Variants in PKP2 observed in about 807,000 individuals in gnomAD.
PKP2 encodes plakophilin 2, also known as plakophilin-2.
PKP2 carries 73 observed loss-of-function variants against 83.4 expected under a neutral mutation model. That is an observed-to-expected ratio of 0.88 (90% CI 0.72 to 1.06). The LOEUF is 1.06. Among genes scored for constraint, PKP2 ranks in the 50% least tolerant of loss-of-function variants. PKP2 has a pLI of 0.00. For synonymous variants in PKP2, 409 were observed against 430.4 expected (o/e 0.95, Z 0.62); for missense variants, 966 against 1,065.4 (o/e 0.91, Z 1.30).
intron 9 of PKP2, among the ~76,000 whole-genome samples, chr12:32,816,723 C>T (rs939043440): frequency 3.9e-5 from 6 of 152,118 alleles, no homozygotes; most frequent in African/African-American, 1.4e-4. Flanking sequence ...TAAGTGTTCC[C>T]TTCTCTCCAA....
At chr12:32,891,975 C>T (rs1957078178) in intron 1 of PKP2, among the ~76,000 whole-genome samples, 1 of 152,108 alleles carries the variant, frequency 6.6e-6, no homozygotes, top group African/African-American at 2.4e-5. Flanking sequence ...CGAACTCAAT[C>T]TGCTTGGCCC....
At chr12:32,865,376 G>GAAA (rs554773045) in intron 4 of PKP2, among the ~76,000 whole-genome samples, 1 of 85,336 alleles carries the variant, frequency 1.2e-5, no homozygotes, top group Non-Finnish European at 2.4e-5. Context: ...CTCCATCTCA[G>GAAA]AAAAAAAAAA....
rs539014911 is a variant in PKP2, at chr12:32,851,113, C to A, written c.1171-140G>T. 15 of 727,332 alleles carry A rather than the reference C, an allele frequency of 2.1e-5. No homozygotes were observed. The East Asian group carries it at 4.0e-4, about 20-fold the overall frequency. 45.1% of individuals were successfully genotyped at this position (727,332 alleles called of 1,614,324 possible). A position where few individuals can be genotyped will look rare whatever the true frequency, so the allele number is the denominator to read the frequency against. ...ACAACTATGTGTAGCACAACTGAGG[C>A]TCTTGTAGAATATACCCCGGCTATA... On this transcript the variant is annotated intron_variant, in intron 4 of 12. Transcript: ENST00000340811.
chr12:32,882,082 C>G (rs1956991850), intron 1 of PKP2, among the ~76,000 whole-genome samples: 1 of 152,126 alleles, frequency 6.6e-6, no homozygotes. Flanking sequence ...ATCCCCACCC[C>G]CAATAAAACA....
intron 6 of PKP2, among the ~76,000 whole-genome samples, chr12:32,833,360 G>A (rs1487642727): frequency 6.6e-6 from 1 of 152,134 alleles, no homozygotes; most frequent in Non-Finnish European, 1.5e-5. Flanking sequence ...AATTATATTT[G>A]GTATGTGGTT....
chr12:32,852,285 G>A (rs193202184), intron 4 of PKP2, among the ~76,000 whole-genome samples: 3 of 152,290 alleles, frequency 2.0e-5, no homozygotes, highest in Admixed American at 2.0e-4. Flanking sequence ...TTTATGCTCA[G>A]CGGAGAGCTG....
rs768376044 is a variant in PKP2 at position 32,896,540 on chromosome 12, G to T, written c.192C>A (p.Leu64=). 1.9e-6 allele frequency: 3 copies of T among 1,574,154 alleles called. No homozygotes were observed. The highest frequency in any genetic ancestry group is 3.4e-5 in the Admixed American group (2 of 58,128). Residue 64 remains leucine (L), a synonymous_variant, in exon 1 of 13, where the codon CTC becomes CTA. Coordinates refer to ENST00000340811, the MANE Select transcript of PKP2 (RefSeq NM_001005242.3). ...LRIQEQVQQT[L]ARKGRSSVGN... is the part of the protein sequence containing the mutation. ...CCACGGAGCTGCGGCCCTTCCGGGC[G>T]AGGGTCTGCTGCACCTGCTCCTGGA... is the stretch of plus-strand genomic sequence containing the variant.
Position 32,865,681 on chromosome 12 carries a change from C to CAAAAAAAAAAAAAAAAAAAAAA in PKP2, c.1170+3245_1170+3246insTTTTTTTTTTTTTTTTTTTTTT, listed in dbSNP as rs765071380. 4.2e-4 allele frequency among the ~76,000 whole-genome samples: 44 copies of CAAAAAAAAAAAAAAAAAAAAAA among 103,596 alleles called. 2 individuals carry two copies. Among genetic ancestry groups the CAAAAAAAAAAAAAAAAAAAAAA allele is most frequent in the African/African-American group, 1.8e-3 (33 of 17,862 alleles). 68.0% of individuals were successfully genotyped at this position (103,596 alleles called of 152,430 possible). ...TGTCTGGAACAGAGTGACTCCGTCT[C>CAAAAAAAAAAAAAAAAAAAAAA]AAAAAAAAAAAGACAAATAGATCAA... is the stretch of plus-strand genomic sequence containing the variant. On this transcript the variant is annotated intron_variant, in intron 4 of 12. Coordinates refer to ENST00000340811, the MANE Select transcript of PKP2 (RefSeq NM_001005242.3).
chr12:32,864,485 A>G (rs1592756728), intron 4 of PKP2, among the ~76,000 whole-genome samples: 1 of 152,052 alleles, frequency 6.6e-6, no homozygotes, highest in East Asian at 1.9e-4. Flanking sequence ...AAGACATGAA[A>G]GACCTCTACA....
intron 2 of PKP2, 148 bp downstream of exon 2, chr12:32,878,772 T>C: frequency 1.5e-6 from 1 of 675,382 alleles, no homozygotes; most frequent in South Asian, 1.7e-5. Flanking sequence ...TTTTCCATGG[T>C]ATCCTCATAA....
At chr12:32,811,254 G>A (rs1956274752) in intron 9 of PKP2, among the ~76,000 whole-genome samples, 1 of 152,208 alleles carries the variant, frequency 6.6e-6, no homozygotes, top group Non-Finnish European at 1.5e-5. Context: ...TATGCCTGAT[G>A]CATTAGCACA....
chr12:32,829,386 C>T (rs1466090485), intron 6 of PKP2, among the ~76,000 whole-genome samples: 1 of 151,322 alleles, frequency 6.6e-6, no homozygotes, highest in Non-Finnish European at 1.5e-5. Context: ...TCCTGAGTAG[C>T]TGGGACTACA....
intron 4 of PKP2, among the ~76,000 whole-genome samples, chr12:32,864,833 C>A (rs778413091): frequency 4.6e-5 from 7 of 152,182 alleles, no homozygotes; most frequent in Non-Finnish European, 8.8e-5. Context: ...TAGTCTTCAT[C>A]TTTGCTGAAG....
Position 32,872,552 on chromosome 12 carries a change from A to AACAAC in PKP2, c.1035-3495_1035-3491dup, listed in dbSNP as rs373125955. 1.9e-3 allele frequency among the ~76,000 whole-genome samples: 286 copies of AACAAC among 152,120 alleles called. 3 individuals are homozygous for AACAAC. The highest frequency in any genetic ancestry group is 6.5e-3 in the African/African-American group (270 of 41,526). On this transcript the variant is annotated intron_variant, in intron 3 of 12. Coordinates refer to ENST00000340811, the MANE Select transcript of PKP2 (RefSeq NM_001005242.3). ...TCTGTCTCAAAAAAAAACAAAACAA[A>AACAAC]ACAACCCAGTAACTTGTGTGCGTGT...
rs371089832 is a variant in PKP2, at chr12:32,821,371, C to A, written c.1998G>T (p.Thr666=). The A allele has an allele frequency of 7.4e-6, 12 of 1,613,948 alleles. No homozygotes were observed. Among genetic ancestry groups the A allele is most frequent in the Admixed American group, 5.0e-5 (3 of 59,986 alleles). The change falls in exon 9 of 13, where the codon ACG becomes ACT. Residue 666 remains threonine (T), a synonymous_variant. Transcript: ENST00000340811. ...CAATACTCACTGGTCCACTTCCGGC[C>A]GTGAGGTTCTGCAGAGCTCCTAAGG... is the stretch of plus-strand genomic sequence containing the variant. The part of the protein sequence containing the change: ...EASLGALQNL[T]AGSGPMPTSV...
At chr12:32,844,869 C>T (rs1173788817) in intron 5 of PKP2, among the ~76,000 whole-genome samples, 1 of 152,126 alleles carries the variant, frequency 6.6e-6, no homozygotes, top group Admixed American at 6.5e-5. Flanking sequence ...AAAAAGATTC[C>T]AGTTTGGGCA....
chr12:32,812,520 T>G (rs1956286258), intron 9 of PKP2, among the ~76,000 whole-genome samples: 2 of 152,208 alleles, frequency 1.3e-5, no homozygotes, highest in South Asian at 4.1e-4. Context: ...TTTTCTTTTT[T>G]GAGACAGAGT....
chr12:32,792,354 G>T lies in PKP2; in HGVS notation c.*70C>A. 1 of 1,104,448 alleles carries T rather than the reference G, an allele frequency of 9.1e-7. No homozygotes were observed. The highest frequency in any genetic ancestry group is 1.4e-6 in the Non-Finnish European group (1 of 715,392). The allele number at this position is 1,104,448 out of a possible 1,614,324, so 68.4% of individuals were successfully genotyped here. ...CAAGGCATGCTTTTGAGGTTTCTTG[G>T]GCTGGGTAGTAGAAAAATAGGTGTT... On this transcript the variant is annotated 3_prime_UTR_variant, in exon 13 of 13. Coordinates refer to ENST00000340811, the MANE Select transcript of PKP2 (RefSeq NM_001005242.3).
intron 5 of PKP2, chr12:32,843,071 C>T (rs1292588917): frequency 2.8e-6 from 1 of 361,026 alleles, no homozygotes; most frequent in Non-Finnish European, 5.5e-6. Flanking sequence ...CTTCTGCCTC[C>T]CGGGTTCAAG....
Sources: allele counts gnomAD v4.1 joint callset (sites outside exome capture counted in the v4.1 genomes callset), GRCh38; gene constraint gnomAD v4.1.1; transcripts MANE v1.5; gene names NCBI Gene and HGNC (gene_info 2026-07-23, HGNC 2026-07-21).